DNAJC11: variants seen among roughly 807,000 people sequenced by gnomAD.
DNAJC11 encodes dnaJ homolog subfamily C member 11.
Under a neutral mutation model 78.6 loss-of-function variants are expected in DNAJC11, and 15 were observed. The ratio of observed to expected loss-of-function variants is 0.19; its 90% confidence interval spans 0.13 to 0.29. The LOEUF (loss-of-function observed/expected upper bound fraction) is 0.29, where lower values mean the gene tolerates loss of function less well. Among genes scored for constraint, DNAJC11 ranks in the 10% least tolerant of loss-of-function variants. DNAJC11 has a pLI of 1.00. For synonymous variants in DNAJC11, 292 were observed against 272.1 expected (o/e 1.07, Z -0.72); for missense variants, 547 against 709.6 (o/e 0.77, Z 2.60).
rs141211443 is a variant in DNAJC11 at position 6,643,497 on chromosome 1, A to C, written c.1097+1061T>G. Among the ~76,000 whole-genome samples the C allele has an allele frequency of 5.3e-4, 81 of 151,762 alleles. No homozygotes were observed. In the South Asian group the frequency reaches 5.4e-3, roughly 10 times the overall value. On this transcript the variant is annotated intron_variant, in intron 10 of 15. Coordinates refer to ENST00000377577, the MANE Select transcript of DNAJC11 (RefSeq NM_018198.4). ...TCACCGTGTTAGCCAGGATGGTCTC[A>C]ATCTCCTGACCTCGTGATCTGCCCG...
intron 6 of DNAJC11, among the ~76,000 whole-genome samples, chr1:6,651,977 C>G (rs940541581): frequency 2.6e-5 from 4 of 151,994 alleles, no homozygotes; most frequent in Non-Finnish European, 4.4e-5. Flanking sequence ...GTGTGCCCCC[C>G]ACCCCCGCAT....
At chr1:6,642,506 T>A (rs927987865) in intron 10 of DNAJC11, among the ~76,000 whole-genome samples, 1 of 152,074 alleles carries the variant, frequency 6.6e-6, no homozygotes, top group Non-Finnish European at 1.5e-5. Context: ...CCAAGGTTTT[T>A]GGACAGAGCA....
At chr1:6,701,451 G>A (rs1642926640) in intron 1 of DNAJC11, among the ~76,000 whole-genome samples, 1 of 152,208 alleles carries the variant, frequency 6.6e-6, no homozygotes, top group Non-Finnish European at 1.5e-5. Context: ...GTTTCCTCTT[G>A]AGCGTGCGGG....
intron 2 of DNAJC11, among the ~76,000 whole-genome samples, chr1:6,679,816 T>C (rs1377363207): frequency 2.0e-5 from 3 of 152,350 alleles, no homozygotes; most frequent in East Asian, 1.9e-4. Context: ...AAGCAAACTA[T>C]GTGGCTAATT....
intron 10 of DNAJC11, 43 bp downstream of exon 10, chr1:6,644,515 G>GT: frequency 7.4e-7 from 1 of 1,343,004 alleles, no homozygotes; most frequent in South Asian, 1.2e-5. Context: ...TTGAGTGAAG[G>GT]TGACAGGCAT....
chr1:6,651,405 T>C, intron 7 of DNAJC11, 124 bp downstream of exon 7: 3 of 813,730 alleles, frequency 3.7e-6, no homozygotes, highest in Non-Finnish European at 6.1e-6. Context: ...CTGCCCTTGA[T>C]GTACGCAGTG....
chr1:6,652,753 GT>G, intron 6 of DNAJC11, 75 bp downstream of exon 6: 7 of 1,589,850 alleles, frequency 4.4e-6, no homozygotes, highest in Non-Finnish European at 6.0e-6. Flanking sequence ...GAGTTTGAGG[GT>G]GAGCTTTGAG....
chr1:6,647,051 G>C (rs1179229765), intron 7 of DNAJC11, among the ~76,000 whole-genome samples: 1 of 151,086 alleles, frequency 6.6e-6, no homozygotes, highest in Non-Finnish European at 1.5e-5. Context: ...AGCGACTGAG[G>C]AGGAAGGAGC....
rs1052572860 is a variant in DNAJC11, at chr1:6,655,516, G to C, written c.379-1477C>G. Among the ~76,000 whole-genome samples the C allele has an allele frequency of 3.9e-5, 6 of 152,292 alleles. No homozygotes were observed. In the East Asian group the frequency reaches 7.7e-4, roughly 20 times the overall value. ...ATGATTCTGAATAATCAACAAAACTGCATGGCAGTATATGAACAATCTGTG... is the reference window on the plus strand; with the variant it reads ...ATGATTCTGAATAATCAACAAAACTCCATGGCAGTATATGAACAATCTGTG... On this transcript the variant is annotated intron_variant, in intron 4 of 15. Transcript: ENST00000377577.
intron 3 of DNAJC11, 52 bp downstream of exon 3, chr1:6,678,342 C>G: frequency 6.6e-7 from 1 of 1,511,958 alleles, no homozygotes; most frequent in Non-Finnish European, 9.2e-7. Flanking sequence ...GGGAGATGTT[C>G]TGTAACTGTT....
Position 6,639,903 on chromosome 1 carries a change from T to G in DNAJC11, c.1252A>C (p.Lys418Gln), listed in dbSNP as rs766152258. 35 of 1,612,508 alleles carry G rather than the reference T, an allele frequency of 2.2e-5. No homozygotes were observed. The highest frequency in any genetic ancestry group is 3.4e-5 in the Admixed American group (2 of 59,618). Residue 418 changes from lysine (K) to glutamine (Q), a missense_variant and splice_region_variant, in exon 11 of 16, where the codon AAG (lysine) becomes CAG (glutamine). Coordinates refer to ENST00000377577, the MANE Select transcript of DNAJC11 (RefSeq NM_018198.4). The part of the protein sequence containing the change: ...IKPYLRAQKE[K>Q]ELEKQRESAA... The stretch of plus-strand genomic sequence containing the variant: ...CATGCCCATGACGTGTCAACTCACT[T>G]CTCTTTCTGAGCCCTGAGGTATGGT...
chr1:6,637,080 G>T, intron 14 of DNAJC11, 118 bp downstream of exon 14: 1 of 1,354,246 alleles, frequency 7.4e-7, no homozygotes, highest in Non-Finnish European at 1.0e-6. Flanking sequence ...GAACTCCTGG[G>T]CTCAAGCAAT....
chr1:6,679,593 C>A (rs982733983), intron 2 of DNAJC11, among the ~76,000 whole-genome samples: 3 of 152,162 alleles, frequency 2.0e-5, no homozygotes, highest in Non-Finnish European at 4.4e-5. Flanking sequence ...TATGCATAAT[C>A]AAATCTAACG....
At chr1:6,639,690 A>G (rs1224765790) in intron 11 of DNAJC11, among the ~76,000 whole-genome samples, 1 of 152,226 alleles carries the variant, frequency 6.6e-6, no homozygotes, top group Non-Finnish European at 1.5e-5. Flanking sequence ...ACAAACGAAG[A>G]GATAACAGCA....
chr1:6,694,660 A>G (rs140423194), intron 1 of DNAJC11, among the ~76,000 whole-genome samples: 144 of 152,144 alleles, frequency 9.5e-4, no homozygotes, highest in African/African-American at 3.3e-3. Flanking sequence ...CACCATGCCC[A>G]GCTAATTAAA....
chr1:6,645,165 G>C lies in DNAJC11; in HGVS notation c.895-39C>G, dbSNP rs187631405. On this transcript the variant is annotated intron_variant, in intron 8 of 15. Coordinates refer to ENST00000377577, the MANE Select transcript of DNAJC11 (RefSeq NM_018198.4). The surrounding 1 kb of genome is among the most constrained non-coding windows in gnomAD (Gnocchi z 4.1). ...GGGTGCAAGGATGCGTGGCTAGGGC[G>C]TGTGACTCTGTGGGGAGATGGGTAT... 26 of 1,515,172 alleles carry C rather than the reference G, an allele frequency of 1.7e-5. No homozygotes were observed. The highest frequency in any genetic ancestry group is 2.3e-5 in the Non-Finnish European group (25 of 1,092,492). The allele number at this position is 1,515,172 out of a possible 1,614,324, so 93.9% of individuals were successfully genotyped here. A position where few individuals can be genotyped will look rare whatever the true frequency, so the allele number is the denominator to read the frequency against.
intron 7 of DNAJC11, among the ~76,000 whole-genome samples, chr1:6,647,545 C>T (rs904563199): frequency 2.0e-5 from 3 of 151,768 alleles, no homozygotes; most frequent in Admixed American, 6.6e-5. Flanking sequence ...GTAGGCCGGG[C>T]GCGGTGGCTC....
intron 4 of DNAJC11, among the ~76,000 whole-genome samples, chr1:6,656,657 T>A (rs902821079): frequency 6.6e-6 from 1 of 151,524 alleles, no homozygotes; most frequent in African/African-American, 2.4e-5. Context: ...GGTGGAGGGA[T>A]TGCTTGAGCC....
chr1:6,637,579 G>A (rs925603292), intron 12 of DNAJC11, 75 bp from the exon 13 acceptor site: 11 of 1,542,844 alleles, frequency 7.1e-6, no homozygotes, highest in Non-Finnish European at 9.8e-6. Context: ...GCCACAGGCA[G>A]GCAGTCTTGT....
Sources: gnomAD v4.1 joint callset for allele counts (sites outside exome capture counted in the v4.1 genomes callset) on GRCh38, gnomAD v4.1.1 for gene constraint, Gnocchi (gnomAD v3.1) non-coding constraint, MANE v1.5 for transcripts, NCBI Gene and HGNC (gene_info 2026-07-23, HGNC 2026-07-21) for gene names.